The following ANKRD33B variants were observed in gnomAD, a reference collection of about 807,000 sequenced individuals.
ANKRD33B encodes ankyrin repeat domain-containing protein 33B.
A neutral mutation model predicts 21.5 loss-of-function variants in ANKRD33B; 6 were observed. The ratio of observed to expected loss-of-function variants is 0.28; its 90% CI spans 0.15 to 0.55. The LOEUF is 0.55. ANKRD33B is among the 20% of genes least tolerant of loss of function. ANKRD33B has a pLI of 0.94. For missense variants in ANKRD33B, 698 were observed against 747.2 expected, an observed-to-expected ratio of 0.93 and a Z score of 0.77; for synonymous variants, 347 against 342.4, an observed-to-expected ratio of 1.01 and a Z score of -0.15.
At chr5:10,569,575 G>A (rs1177509794) in intron 1 of ANKRD33B, among the ~76,000 whole-genome samples, 3 of 140,792 alleles carry the variant, frequency 2.1e-5, no homozygotes, top group African/African-American at 7.9e-5. Flanking sequence ...CAGGCTGGGC[G>A]ACAGAACAAG....
chr5:10,611,933 A>T (rs546395522), intron 1 of ANKRD33B, among the ~76,000 whole-genome samples: 53 of 152,254 alleles, frequency 3.5e-4, no homozygotes, highest in Middle Eastern at 3.4e-3. Context: ...ATTGATATGC[A>T]CACTTGGTCT....
At chr5:10,568,848 T>G (rs1419389723) in intron 1 of ANKRD33B, among the ~76,000 whole-genome samples, 2 of 152,190 alleles carry the variant, frequency 1.3e-5, no homozygotes, top group Non-Finnish European at 2.9e-5. Flanking sequence ...TCTGCGTGTT[T>G]AAATTTCCAG....
intron 1 of ANKRD33B, among the ~76,000 whole-genome samples, chr5:10,590,574 T>C (rs1735658595): frequency 6.8e-6 from 1 of 147,576 alleles, no homozygotes; most frequent in Non-Finnish European, 1.5e-5. Flanking sequence ...TAGACTTTCT[T>C]AAAATATTTT....
chr5:10,575,978 TACACACAC>T (rs60058725), intron 1 of ANKRD33B, among the ~76,000 whole-genome samples: 3 of 149,960 alleles, frequency 2.0e-5, no homozygotes, highest in Non-Finnish European at 4.4e-5. Context: ...GATGGACGTA[TACACACAC>T]ACACACACAC....
At chr5:10,644,793 C>T (rs1737153262) in intron 3 of ANKRD33B, among the ~76,000 whole-genome samples, 2 of 152,206 alleles carry the variant, frequency 1.3e-5, no homozygotes, top group Non-Finnish European at 2.9e-5. Context: ...AAAAGTCAAG[C>T]ATTCTGTGTC....
At chr5:10,607,275 C>G (rs548441961) in intron 1 of ANKRD33B, among the ~76,000 whole-genome samples, 1 of 152,206 alleles carries the variant, frequency 6.6e-6, no homozygotes, top group Non-Finnish European at 1.5e-5. Context: ...TGTTGTGCGC[C>G]GGCTAGAGGG....
At chr5:10,649,000 C>G (rs1210215457) in intron 3 of ANKRD33B, among the ~76,000 whole-genome samples, 1 of 152,230 alleles carries the variant, frequency 6.6e-6, no homozygotes, top group Admixed American at 6.5e-5. Flanking sequence ...GTAGCCCCAG[C>G]TACTCGGGAG....
At chr5:10,625,391 C>G (rs1331068766) in intron 2 of ANKRD33B, among the ~76,000 whole-genome samples, 1 of 152,222 alleles carries the variant, frequency 6.6e-6, no homozygotes, top group African/African-American at 2.4e-5. Context: ...TCATTCAGTC[C>G]TTTCCAAACA....
At chr5:10,567,923 C>T (rs60114486) in intron 1 of ANKRD33B, among the ~76,000 whole-genome samples, 4,576 of 152,256 alleles carry the variant, frequency 0.03, 245 homozygotes, top group African/African-American at 0.1. Context: ...ATACAGCCCA[C>T]AGCCGGCTTT....
rs1411315468 is a variant in ANKRD33B, at chr5:10,652,884, A to C, written c.*2771A>C. On this transcript the variant is annotated 3_prime_UTR_variant, in exon 4 of 4. Coordinates refer to ENST00000296657, the MANE Select transcript of ANKRD33B (RefSeq NM_001164440.2). The surrounding 1 kb of genome is among the most constrained non-coding windows in gnomAD (Gnocchi z 4.1). ...TTTTGAAAAGCCTGCTGAGCCAACA[A>C]GCTTGGGGCAGGACACGGATTTCTT... 1 of 239,452 alleles carries C rather than the reference A, an allele frequency of 4.2e-6. No homozygotes were observed. Among genetic ancestry groups the C allele is most frequent in the Non-Finnish European group, 8.9e-6 (1 of 112,652 alleles). 14.8% of individuals were successfully genotyped at this position (239,452 alleles called of 1,614,324 possible).
Position 10,654,720 on chromosome 5 carries a change from G to A in ANKRD33B, c.*4607G>A, listed in dbSNP as rs1222452628. On this transcript the variant is annotated 3_prime_UTR_variant, in exon 4 of 4. Coordinates refer to ENST00000296657, the MANE Select transcript of ANKRD33B (RefSeq NM_001164440.2). ...CTCCGTGTGCATGGAGGCGGCTGATGAGAATACAGATAGGCCAGTCCTCGC... is the reference window on the plus strand; with the variant it reads ...CTCCGTGTGCATGGAGGCGGCTGATAAGAATACAGATAGGCCAGTCCTCGC... 1 of 152,394 alleles carries A rather than the reference G, an allele frequency of 6.6e-6. No individual in the cohort carries two copies. The highest frequency in any genetic ancestry group is 6.5e-5 in the Admixed American group (1 of 15,284). 9.4% of individuals were successfully genotyped at this position (152,394 alleles called of 1,614,324 possible).
intron 1 of ANKRD33B, among the ~76,000 whole-genome samples, chr5:10,604,082 C>T (rs548545757): frequency 1.6e-3 from 239 of 151,186 alleles, no homozygotes; most frequent in Non-Finnish European, 2.8e-3. Flanking sequence ...TTAGTAGGGA[C>T]GGAGTTTCAC....
chr5:10,635,657 A>T (rs2126597712), intron 2 of ANKRD33B, among the ~76,000 whole-genome samples: 1 of 152,286 alleles, frequency 6.6e-6, no homozygotes. Context: ...AGGAGAGTTC[A>T]CCCCTGATTT....
chr5:10,604,529 A>C (rs925478822), intron 1 of ANKRD33B, among the ~76,000 whole-genome samples: 5 of 151,496 alleles, frequency 3.3e-5, no homozygotes, highest in African/African-American at 1.2e-4. Flanking sequence ...AAAAAAGAAA[A>C]AAAAAAGAAA....
chr5:10,641,906 G>A lies in ANKRD33B; in HGVS notation c.637+3738G>A, dbSNP rs191785737. On this transcript the variant is annotated intron_variant, in intron 3 of 3. Coordinates refer to ENST00000296657, the MANE Select transcript of ANKRD33B (RefSeq NM_001164440.2). Reference sequence around the variant, plus strand: ...GAGATATCAGTTTCAACAGAGTTTCGGCCCTGCCTGCCCTCATCAATGAGA... The same window carrying A: ...GAGATATCAGTTTCAACAGAGTTTCAGCCCTGCCTGCCCTCATCAATGAGA... 2.1e-3 allele frequency among the ~76,000 whole-genome samples: 325 copies of A among 152,148 alleles called. 1 individual carries two copies. Among genetic ancestry groups the A allele is most frequent in the Middle Eastern group, 6.8e-3 (2 of 294 alleles).
At chr5:10,630,825 G>A (rs112092097) in intron 2 of ANKRD33B, among the ~76,000 whole-genome samples, 34,055 of 150,076 alleles carry the variant, frequency 0.23, 3,945 homozygotes, top group Middle Eastern at 0.34. Flanking sequence ...GTGAGCCAAG[G>A]TCGCGCCACT....
chr5:10,592,450 TA>T (rs35660672), intron 1 of ANKRD33B, among the ~76,000 whole-genome samples: 7,381 of 69,016 alleles, frequency 0.11, 422 homozygotes, highest in Non-Finnish European at 0.12. Context: ...CCATCTCTAC[TA>T]AAAAAAAAAA....
At chr5:10,620,554 C>T (rs1366589101) in intron 2 of ANKRD33B, among the ~76,000 whole-genome samples, 2 of 152,170 alleles carry the variant, frequency 1.3e-5, no homozygotes, top group African/African-American at 4.8e-5. Flanking sequence ...TCTTTTCTTA[C>T]TGATCTGCCA....
intron 1 of ANKRD33B, among the ~76,000 whole-genome samples, chr5:10,582,411 T>A (rs1267558634): frequency 6.6e-6 from 1 of 152,184 alleles, no homozygotes; most frequent in Admixed American, 6.6e-5. Flanking sequence ...ATGTCCACCA[T>A]GATGGTCTCC....
Sources: gnomAD v4.1 joint callset for allele counts (sites outside exome capture counted in the v4.1 genomes callset) on GRCh38, gnomAD v4.1.1 for gene constraint, Gnocchi (gnomAD v3.1) non-coding constraint, MANE v1.5 for transcripts, NCBI Gene and HGNC (gene_info 2026-07-23, HGNC 2026-07-21) for gene names.